The following TBC1D2B variants were observed in gnomAD, a reference collection of about 807,000 sequenced individuals.
The protein encoded by TBC1D2B is TBC1 domain family, member 2B.
A neutral mutation model predicts 100.8 loss-of-function variants in TBC1D2B; 64 were observed. That is an observed-to-expected ratio of 0.64 (90% confidence interval 0.52 to 0.78). TBC1D2B has a LOEUF of 0.78. Ranked by LOEUF, TBC1D2B falls within the 30% of genes least tolerant of loss-of-function variation. The pLI is 0.00. For synonymous variants in TBC1D2B, 480 were observed against 479.7 expected, an observed-to-expected ratio of 1.00 and a Z score of -0.01; for missense variants, 1,052 against 1,218.4, an observed-to-expected ratio of 0.86 and a Z score of 2.03.
At chr15:78,018,218 CT>C (rs2072426085) in intron 6 of TBC1D2B, among the ~76,000 whole-genome samples, 1 of 152,152 alleles carries the variant, frequency 6.6e-6, no homozygotes, top group Non-Finnish European at 1.5e-5. Flanking sequence ...TTTTTCTCAA[CT>C]GATGACAGGA....
chr15:77,999,668 C>G (rs960913552), intron 12 of TBC1D2B, among the ~76,000 whole-genome samples: 11 of 152,194 alleles, frequency 7.2e-5, no homozygotes, highest in African/African-American at 2.7e-4. Flanking sequence ...CAGCTCACAG[C>G]CCCCACAAAC....
At chr15:78,026,151 GT>G (rs34676496) in intron 4 of TBC1D2B, among the ~76,000 whole-genome samples, 46,128 of 145,396 alleles carry the variant, frequency 0.32, 8,483 homozygotes, top group East Asian at 0.58. Context: ...GGTTTTTGTT[GT>G]TTTTTTTTTT....
intron 1 of TBC1D2B, 90 bp downstream of exon 1, chr15:78,077,191 CGAGGAGGCCTTG>C: frequency 7.3e-7 from 1 of 1,363,104 alleles, no homozygotes; most frequent in Non-Finnish European, 9.5e-7. Flanking sequence ...TGGGCAGGGG[CGAGGAGGCCTTG>C]GAGGAAGGAG....
At chr15:78,067,945 T>C (rs376416332) in intron 1 of TBC1D2B, among the ~76,000 whole-genome samples, 4 of 152,354 alleles carry the variant, frequency 2.6e-5, no homozygotes, top group African/African-American at 9.6e-5. Context: ...GATAATCAGT[T>C]ATACAGAACT....
chr15:78,026,317 C>G (rs2141701826), intron 4 of TBC1D2B, among the ~76,000 whole-genome samples: 1 of 152,244 alleles, frequency 6.6e-6, no homozygotes. Flanking sequence ...ATGTTGTTAT[C>G]ACCAGGGTGG....
At chr15:78,055,145 T>C (rs949048620) in intron 1 of TBC1D2B, among the ~76,000 whole-genome samples, 2 of 151,692 alleles carry the variant, frequency 1.3e-5, no homozygotes, top group African/African-American at 2.4e-5. Flanking sequence ...AGAAAACAAA[T>C]ATGTGGTTGC....
chr15:78,055,449 G>T (rs1190791232), intron 1 of TBC1D2B, among the ~76,000 whole-genome samples: 4 of 152,192 alleles, frequency 2.6e-5, no homozygotes, highest in Admixed American at 2.6e-4. Context: ...AAGCTGCCAT[G>T]ACACGATTAT....
chr15:78,014,723 CTT>C (rs2072323462), intron 8 of TBC1D2B, among the ~76,000 whole-genome samples: 1 of 151,900 alleles, frequency 6.6e-6, no homozygotes, highest in Admixed American at 6.6e-5. Flanking sequence ...GACCTCATCT[CTT>C]AAAAAAAATA....
chr15:78,041,406 GCAGT>G (rs2073092519), intron 3 of TBC1D2B, among the ~76,000 whole-genome samples: 1 of 152,216 alleles, frequency 6.6e-6, no homozygotes, highest in Admixed American at 6.5e-5. Flanking sequence ...TTGGTCTCAT[GCAGT>G]CAGTCAGTGA....
In TBC1D2B at chr15:78,075,417, C is replaced by G. The variant is rs2073812927; in HGVS notation, c.360+1876G>C. Among the ~76,000 whole-genome samples the G allele has an allele frequency of 2.6e-5, 4 of 152,178 alleles. No homozygotes were observed. In the South Asian group the frequency reaches 8.3e-4, roughly 32 times the overall value. On this transcript the variant is annotated intron_variant, in intron 1 of 12. Transcript: ENST00000300584. ...GTGTCACCGTGTTAGCCAGGATGGT[C>G]TCGAGCTCCTGACCTCGTGATCCAC...
At position 78,025,415 on chromosome 15, in the gene TBC1D2B, C is replaced by A; in HGVS notation, c.930G>T (p.Ser310=). The A allele has an allele frequency of 6.2e-7, 1 of 1,613,922 alleles. No individual in the cohort carries two copies. Among genetic ancestry groups the A allele is most frequent in the Middle Eastern group, 1.7e-4 (1 of 6,034 alleles). The part of the protein sequence containing the change: ...GKRPLKDIIG[S]YKNRHSSGDP... ...CACCACTGCTGTGACGATTTTTGTA[C>A]GACCCAATTATGTCTTTCAAAGGGC... The change falls in exon 5 of 13, where the codon TCG becomes TCT. Residue 310 remains serine, a synonymous_variant. Transcript: ENST00000300584.
rs1361601067 is a variant in TBC1D2B at position 77,997,115 on chromosome 15, G to GCAGC, written c.*1041_*1044dup. On this transcript the variant is annotated 3_prime_UTR_variant, in exon 13 of 13. Coordinates refer to ENST00000300584, the MANE Select transcript of TBC1D2B (RefSeq NM_144572.2). Reference sequence around the variant, plus strand: ...AAAAGTTTCCCAGCCCCAGGCACTGGCAGCCGGCCTCCTGCACAACCCAGG... The same window carrying GCAGC: ...AAAAGTTTCCCAGCCCCAGGCACTGGCAGCCAGCCGGCCTCCTGCACAACCCAGG... The GCAGC allele has an allele frequency of 1.3e-5, 2 of 152,638 alleles. No individual in the cohort carries two copies. The highest frequency in any genetic ancestry group is 2.4e-5 in the African/African-American group (1 of 41,460). 9.5% of individuals were successfully genotyped at this position (152,638 alleles called of 1,614,324 possible). A position where few individuals can be genotyped will look rare whatever the true frequency, so the allele number is the denominator to read the frequency against.
chr15:78,011,343 A>G (rs1314487816), intron 9 of TBC1D2B, among the ~76,000 whole-genome samples: 1 of 152,202 alleles, frequency 6.6e-6, no homozygotes, highest in African/African-American at 2.4e-5. Flanking sequence ...CCTGGCATGG[A>G]GCAGGAGCAA....
At chr15:78,037,455 C>T (rs1260690947) in intron 3 of TBC1D2B, among the ~76,000 whole-genome samples, 3 of 152,206 alleles carry the variant, frequency 2.0e-5, no homozygotes, top group Non-Finnish European at 2.9e-5. Context: ...CCAGGTAGGC[C>T]GTGACATACT....
chr15:78,076,543 G>A (rs1596334858), intron 1 of TBC1D2B, among the ~76,000 whole-genome samples: 1 of 151,786 alleles, frequency 6.6e-6, no homozygotes, highest in South Asian at 2.1e-4. Context: ...CCAGGAGTTC[G>A]AGACTAGCCT....
intron 7 of TBC1D2B, 106 bp from the exon 8 acceptor site, chr15:78,016,845 T>C: frequency 1.1e-6 from 1 of 875,318 alleles, no homozygotes; most frequent in Non-Finnish European, 1.7e-6. Flanking sequence ...TATTAGGAAG[T>C]GAGCCAGAGA....
At chr15:78,054,227 T>A (rs756533088) in intron 1 of TBC1D2B, 40 bp from the exon 2 acceptor site, 1 of 1,586,086 alleles carries the variant, frequency 6.3e-7, no homozygotes, top group East Asian at 2.3e-5. Flanking sequence ...TGGCCACCAG[T>A]AATATGAAGA....
chr15:78,073,014 C>G (rs2073764346), intron 1 of TBC1D2B, among the ~76,000 whole-genome samples: 1 of 152,224 alleles, frequency 6.6e-6, no homozygotes, highest in Non-Finnish European at 1.5e-5. Flanking sequence ...GGAAAGACTA[C>G]TACTACGCCT....
At chr15:78,055,753 A>G (rs2073408985) in intron 1 of TBC1D2B, among the ~76,000 whole-genome samples, 2 of 152,258 alleles carry the variant, frequency 1.3e-5, no homozygotes, top group African/African-American at 4.8e-5. Context: ...ATACCAGCCA[A>G]GTTGCCATTT....
Sources: allele counts gnomAD v4.1 joint callset (sites outside exome capture counted in the v4.1 genomes callset), GRCh38; gene constraint gnomAD v4.1.1; transcripts MANE v1.5; gene names NCBI Gene and HGNC (gene_info 2026-07-23, HGNC 2026-07-21).